DPYS: variants seen among roughly 807,000 people sequenced by gnomAD.
DPYS encodes the protein dihydropyrimidine amidohydrolase.
A neutral mutation model predicts 50.3 loss-of-function variants in DPYS; 39 were observed. The observed-to-expected ratio is 0.78, with a 90% CI of 0.60 to 1.01. DPYS has a LOEUF of 1.01. Ranked by LOEUF, DPYS falls within the 50% of genes least tolerant of loss-of-function variation. The pLI is 0.00. For synonymous variants in DPYS, 245 were observed against 250.7 expected (o/e 0.98, Z 0.22); for missense variants, 659 against 680.9 (o/e 0.97, Z 0.36).
chr8:104,406,150 C>T (rs1235759994), intron 7 of DPYS, among the ~76,000 whole-genome samples: 1 of 152,124 alleles, frequency 6.6e-6, no homozygotes, highest in African/African-American at 2.4e-5. Flanking sequence ...GTAAATGGCC[C>T]CTCCTTGCCT....
At chr8:104,406,534 C>T (rs1812000646) in intron 7 of DPYS, among the ~76,000 whole-genome samples, 1 of 152,180 alleles carries the variant, frequency 6.6e-6, no homozygotes, top group Non-Finnish European at 1.5e-5. Flanking sequence ...AGCAGCCACC[C>T]ACACCACATA....
intron 7 of DPYS, among the ~76,000 whole-genome samples, chr8:104,405,242 C>T (rs1457499925): frequency 6.6e-6 from 1 of 152,156 alleles, no homozygotes; most frequent in Non-Finnish European, 1.5e-5. Flanking sequence ...CTTTGTATTT[C>T]CATTTAACAG....
chr8:104,466,645 C>T lies in DPYS; in HGVS notation c.264+12G>A. 3 of 1,502,202 alleles carry T rather than the reference C, an allele frequency of 2.0e-6. No homozygotes were observed. The highest frequency in any genetic ancestry group is 2.7e-6 in the Non-Finnish European group (3 of 1,126,412). 93.1% of individuals were successfully genotyped at this position (1,502,202 alleles called of 1,614,324 possible). ...TGGGTACCGCGGGGCGGGGGCGCGG[C>T]GGGGCGGGTACCTTGGTGCCCTGGT... On this transcript the variant is annotated intron_variant, in intron 1 of 9. Transcript: ENST00000351513.
intron 4 of DPYS, 146 bp downstream of exon 4, chr8:104,444,102 T>G (rs948007559): frequency 2.3e-6 from 2 of 867,554 alleles, no homozygotes; most frequent in Admixed American, 2.0e-5. Flanking sequence ...TAAGGATAAA[T>G]GAAACCAGGA....
At chr8:104,413,769 G>T (rs553135354) in intron 7 of DPYS, among the ~76,000 whole-genome samples, 41 of 152,290 alleles carry the variant, frequency 2.7e-4, no homozygotes, top group African/African-American at 9.4e-4. Flanking sequence ...AAATTGCAAA[G>T]TTCTGCATTT....
chr8:104,441,222 G>C (rs890483552), intron 4 of DPYS, among the ~76,000 whole-genome samples: 2 of 152,158 alleles, frequency 1.3e-5, no homozygotes, highest in African/African-American at 4.8e-5. Context: ...CAACGTTTAG[G>C]GAGGTATTTT....
At chr8:104,450,159 A>AGGAAGGG (rs145646498) in intron 2 of DPYS, among the ~76,000 whole-genome samples, 2 of 120,454 alleles carry the variant, frequency 1.7e-5, no homozygotes, top group African/African-American at 6.5e-5. Context: ...GGAAGGGAGG[A>AGGAAGGG]AGGGAGGGAG....
At chr8:104,415,768 A>G (rs2140589479) in intron 7 of DPYS, among the ~76,000 whole-genome samples, 1 of 152,312 alleles carries the variant, frequency 6.6e-6, no homozygotes, top group Non-Finnish European at 1.5e-5. Flanking sequence ...GGTGAAAATT[A>G]AAGGTGTGCA....
chr8:104,426,780 T>C (rs1163725524), intron 6 of DPYS, among the ~76,000 whole-genome samples: 1 of 152,228 alleles, frequency 6.6e-6, no homozygotes. Context: ...AGTCATGTGA[T>C]TCTTCTCCGT....
chr8:104,457,638 T>C (rs747738520), intron 1 of DPYS, among the ~76,000 whole-genome samples: 2 of 152,124 alleles, frequency 1.3e-5, no homozygotes, highest in Non-Finnish European at 2.9e-5. Flanking sequence ...AACCCAACGG[T>C]ATGTTTGAGC....
chr8:104,394,242 G>A (rs923569191), intron 7 of DPYS, among the ~76,000 whole-genome samples: 2 of 152,160 alleles, frequency 1.3e-5, no homozygotes, highest in African/African-American at 4.8e-5. Context: ...GGGCTGATGA[G>A]GAAGCCCCCG....
chr8:104,400,585 A>G (rs1811764918), intron 7 of DPYS, among the ~76,000 whole-genome samples: 1 of 152,186 alleles, frequency 6.6e-6, no homozygotes, highest in Non-Finnish European at 1.5e-5. Context: ...AAGCCTGACC[A>G]TCTAGGGAGT....
At chr8:104,444,206 A>T (rs750299742) in intron 4 of DPYS, 42 bp downstream of exon 4, 3 of 1,609,650 alleles carry the variant, frequency 1.9e-6, no homozygotes, top group African/African-American at 2.7e-5. Flanking sequence ...TTTTCTCTTC[A>T]GCTAACACTG....
intron 7 of DPYS, among the ~76,000 whole-genome samples, chr8:104,395,347 T>C (rs1811541576): frequency 6.6e-6 from 1 of 152,204 alleles, no homozygotes; most frequent in African/African-American, 2.4e-5. Context: ...AAAAATGACC[T>C]TCTGGTGCAC....
intron 7 of DPYS, among the ~76,000 whole-genome samples, chr8:104,393,845 G>A (rs140236989): frequency 1.2e-3 from 186 of 152,240 alleles, no homozygotes; most frequent in African/African-American, 3.4e-3. Flanking sequence ...GGAACAGGTG[G>A]TATTTGGTTA....
chr8:104,451,546 T>C, intron 1 of DPYS, 142 bp from the exon 2 acceptor site: 1 of 996,004 alleles, frequency 1.0e-6, no homozygotes, highest in Non-Finnish European at 1.5e-6. Context: ...CCTGTTTAAA[T>C]GACCCAGAAG....
chr8:104,384,044 C>A (rs7012566), intron 8 of DPYS, among the ~76,000 whole-genome samples: 55,256 of 151,564 alleles, frequency 0.36, 13,499 homozygotes, highest in African/African-American at 0.69. Flanking sequence ...TAACCTGCAC[C>A]CTCTCTCTCT....
chr8:104,429,702 C>T lies in DPYS; in HGVS notation c.794-1G>A, dbSNP rs1334853789. On this transcript the variant is annotated splice_acceptor_variant, in intron 4 of 9. Coordinates refer to ENST00000351513, the MANE Select transcript of DPYS (RefSeq NM_001385.3). LOFTEE classifies it high-confidence loss of function. ...ATGGGTTCACCATAGACCACCTTCC[C>T]TGGAAAGATTAAAAGAAGCATTCAT... 5 of 1,614,080 alleles carry T rather than the reference C, an allele frequency of 3.1e-6. No homozygotes were observed. The highest frequency in any genetic ancestry group is 4.2e-6 in the Non-Finnish European group (5 of 1,180,004).
intron 7 of DPYS, among the ~76,000 whole-genome samples, chr8:104,393,410 G>A (rs1015064823): frequency 6.6e-6 from 1 of 151,972 alleles, no homozygotes; most frequent in Non-Finnish European, 1.5e-5. Flanking sequence ...AGATACAATG[G>A]GGGCTTCTTC....
Sources: gnomAD v4.1 joint callset for allele counts (sites outside exome capture counted in the v4.1 genomes callset) on GRCh38, gnomAD v4.1.1 for gene constraint, MANE v1.5 for transcripts, NCBI Gene and HGNC (gene_info 2026-07-23, HGNC 2026-07-21) for gene names.